Variants in ADCY2 observed in about 807,000 individuals in gnomAD.
The protein encoded by ADCY2 is adenylate cyclase 2.
In ADCY2, 31 loss-of-function variants were observed where a neutral mutation model predicts 125.2. The observed-to-expected ratio is 0.25, with a 90% CI of 0.19 to 0.33. The LOEUF is 0.33. Among genes scored for constraint, ADCY2 ranks in the 10% least tolerant of loss-of-function variants. ADCY2 has a pLI of 1.00. For synonymous variants in ADCY2, 512 were observed against 548.4 expected (o/e 0.93, Z 0.93); for missense variants, 904 against 1,418.2 (o/e 0.64, Z 5.82).
chr5:7,812,852 G>A (rs1443561692), intron 22 of ADCY2, among the ~76,000 whole-genome samples: 1 of 152,206 alleles, frequency 6.6e-6, no homozygotes, highest in Non-Finnish European at 1.5e-5. Context: ...GGAGGTTGCA[G>A]TGAGCCAAGA....
chr5:7,715,840 A>C (rs1337761067), intron 11 of ADCY2, among the ~76,000 whole-genome samples: 1 of 152,326 alleles, frequency 6.6e-6, no homozygotes, highest in East Asian at 1.9e-4. Flanking sequence ...TGCATATTTA[A>C]TGCTATTCTT....
At chr5:7,620,818 G>C (rs1737928886) in intron 3 of ADCY2, among the ~76,000 whole-genome samples, 2 of 151,662 alleles carry the variant, frequency 1.3e-5, no homozygotes, top group Non-Finnish European at 2.9e-5. Flanking sequence ...GCATATTTAT[G>C]ATCTGCTTTG....
intron 3 of ADCY2, among the ~76,000 whole-genome samples, chr5:7,536,918 A>G (rs1476403702): frequency 1.3e-5 from 2 of 152,298 alleles, no homozygotes; most frequent in East Asian, 3.9e-4. Context: ...TCTTATAAAT[A>G]AGGTTTCACG....
intron 4 of ADCY2, among the ~76,000 whole-genome samples, chr5:7,686,064 G>T (rs1740509768): frequency 6.6e-6 from 1 of 152,126 alleles, no homozygotes; most frequent in Non-Finnish European, 1.5e-5. Context: ...CATATGAAAG[G>T]AGTGTTTCAT....
intron 2 of ADCY2, among the ~76,000 whole-genome samples, chr5:7,483,724 A>G (rs13359813): frequency 0.05 from 7,611 of 151,910 alleles, 282 homozygotes; most frequent in African/African-American, 0.096. Flanking sequence ...AGTCTCAGGC[A>G]CTCCCACTGG....
chr5:7,487,696 A>T (rs1042715978), intron 2 of ADCY2, among the ~76,000 whole-genome samples: 1 of 152,186 alleles, frequency 6.6e-6, no homozygotes, highest in Non-Finnish European at 1.5e-5. Context: ...CATTTTCCCA[A>T]TGAGACATTT....
chr5:7,791,446 TAAG>T (rs1663366277), intron 20 of ADCY2, among the ~76,000 whole-genome samples: 1 of 152,134 alleles, frequency 6.6e-6, no homozygotes, highest in South Asian at 2.1e-4. Context: ...AAGTTGGCAT[TAAG>T]AAGAAGGTGC....
chr5:7,778,242 C>G (rs558046535), intron 18 of ADCY2, among the ~76,000 whole-genome samples: 1 of 152,326 alleles, frequency 6.6e-6, no homozygotes, highest in South Asian at 2.1e-4. Context: ...AAGAAGTTGT[C>G]AAATTTTTCC....
chr5:7,615,241 A>G (rs548869800), intron 3 of ADCY2, among the ~76,000 whole-genome samples: 1 of 152,110 alleles, frequency 6.6e-6, no homozygotes, highest in Non-Finnish European at 1.5e-5. Context: ...TTGTGTGGGG[A>G]CACAAATCCA....
At chr5:7,707,354 T>C (rs1405560915) in intron 8 of ADCY2, among the ~76,000 whole-genome samples, 1 of 152,180 alleles carries the variant, frequency 6.6e-6, no homozygotes, top group South Asian at 2.1e-4. Context: ...GAGCAAGCAC[T>C]GAGAAAGAAA....
chr5:7,585,205 T>C (rs1418647907), intron 3 of ADCY2, among the ~76,000 whole-genome samples: 1 of 152,150 alleles, frequency 6.6e-6, no homozygotes, highest in African/African-American at 2.4e-5. Flanking sequence ...TACGTGGCAA[T>C]TTCAATTTTT....
intron 2 of ADCY2, among the ~76,000 whole-genome samples, chr5:7,500,539 C>T (rs1282969423): frequency 6.6e-6 from 1 of 152,144 alleles, no homozygotes; most frequent in Non-Finnish European, 1.5e-5. Context: ...GCACTTTACC[C>T]AGGTAGTCTT....
At chr5:7,707,905 G>A (rs1055851751) in intron 9 of ADCY2, 67 bp downstream of exon 9, 3 of 1,531,062 alleles carry the variant, frequency 2.0e-6, no homozygotes, top group Non-Finnish European at 8.9e-7. Flanking sequence ...ATTCATAAGT[G>A]TTTTTAGTCA....
intron 15 of ADCY2, among the ~76,000 whole-genome samples, chr5:7,744,114 C>T (rs1742525776): frequency 6.6e-6 from 1 of 152,086 alleles, no homozygotes; most frequent in Non-Finnish European, 1.5e-5. Flanking sequence ...TTAAAACTAA[C>T]ACAGGAGCAG....
At chr5:7,625,898 A>G (rs1177239793) in intron 3 of ADCY2, among the ~76,000 whole-genome samples, 1 of 152,326 alleles carries the variant, frequency 6.6e-6, no homozygotes, top group African/African-American at 2.4e-5. Flanking sequence ...GCATTAGCCA[A>G]AGCAAAGCAG....
chr5:7,716,248 A>G (rs1163197100), intron 11 of ADCY2, among the ~76,000 whole-genome samples: 1 of 152,214 alleles, frequency 6.6e-6, no homozygotes, highest in Non-Finnish European at 1.5e-5. Flanking sequence ...GAGCATTTAA[A>G]TACATACAAT....
At chr5:7,632,135 G>A (rs2126664490) in intron 4 of ADCY2, among the ~76,000 whole-genome samples, 1 of 152,250 alleles carries the variant, frequency 6.6e-6, no homozygotes, top group African/African-American at 2.4e-5. Flanking sequence ...TAATATAAAT[G>A]TCACGCCTGA....
intron 3 of ADCY2, among the ~76,000 whole-genome samples, chr5:7,584,376 C>T (rs532314818): frequency 6.6e-6 from 1 of 152,140 alleles, no homozygotes; most frequent in African/African-American, 2.4e-5. Context: ...TGACAGAACA[C>T]TTCATAGGTC....
At chr5:7,734,936 C>T (rs1191818430) in intron 14 of ADCY2, among the ~76,000 whole-genome samples, 4 of 152,134 alleles carry the variant, frequency 2.6e-5, no homozygotes, top group Non-Finnish European at 4.4e-5. Flanking sequence ...CCTCACATGG[C>T]AGAAAGAAAT....
Sources: allele counts gnomAD v4.1 joint callset (sites outside exome capture counted in the v4.1 genomes callset), GRCh38; gene constraint gnomAD v4.1.1; transcripts MANE v1.5; gene names NCBI Gene and HGNC (gene_info 2026-07-23, HGNC 2026-07-21).